The following PLXNA2 variants were observed in gnomAD, a reference collection of about 807,000 sequenced individuals.
PLXNA2 encodes the protein plexin-A2.
Under a neutral mutation model 193.5 loss-of-function variants are expected in PLXNA2, and 91 were observed. The ratio of observed to expected loss-of-function variants is 0.47; its 90% CI spans 0.40 to 0.56. The LOEUF (loss-of-function observed/expected upper bound fraction) is 0.56, where lower values mean the gene tolerates loss of function less well. PLXNA2 is among the 20% of genes least tolerant of loss of function. The pLI, the probability that PLXNA2 is intolerant of heterozygous loss-of-function variation, is 0.00. For synonymous variants in PLXNA2, 997 were observed against 1,027.3 expected (o/e 0.97, Z 0.56); for missense variants, 1,995 against 2,503.2 (o/e 0.80, Z 4.33).
chr1:208,138,347 G>A (rs1246283206), intron 4 of PLXNA2, among the ~76,000 whole-genome samples: 2 of 152,222 alleles, frequency 1.3e-5, no homozygotes, highest in Admixed American at 6.5e-5. Context: ...GAAGATAAGT[G>A]TTCTGAGCAT....
chr1:208,027,458 C>T, intron 31 of PLXNA2, 120 bp from the exon 32 acceptor site: 1 of 674,788 alleles, frequency 1.5e-6, no homozygotes, highest in Non-Finnish European at 2.6e-6. Flanking sequence ...TGCACATAAC[C>T]TTAAATAATT....
chr1:208,065,551 T>C lies in PLXNA2; in HGVS notation c.2587-4714A>G, dbSNP rs116551101. On this transcript the variant is annotated intron_variant, in intron 12 of 31. Coordinates refer to ENST00000367033, the MANE Select transcript of PLXNA2 (RefSeq NM_025179.4). ...TTCCCTGTGTTTCCCTGCACCTCTG[T>C]CTTCCTAGATGACTAAAACATGGGA... 2.6e-3 allele frequency among the ~76,000 whole-genome samples: 392 copies of C among 152,326 alleles called. 2 individuals are homozygous for C. Among genetic ancestry groups the C allele is most frequent in the African/African-American group, 8.8e-3 (367 of 41,572 alleles).
intron 17 of PLXNA2, among the ~76,000 whole-genome samples, chr1:208,048,576 G>A (rs1026263710): frequency 1.3e-5 from 2 of 152,188 alleles, no homozygotes; most frequent in African/African-American, 2.4e-5. Context: ...CATGGGGCTG[G>A]AGGAAGCGCT....
intron 12 of PLXNA2, among the ~76,000 whole-genome samples, chr1:208,073,581 C>T (rs184537549): frequency 4.9e-4 from 74 of 152,276 alleles, no homozygotes; most frequent in African/African-American, 1.7e-3. Context: ...GGTGGCATCT[C>T]CCCCCTCTGA....
intron 3 of PLXNA2, among the ~76,000 whole-genome samples, chr1:208,148,191 C>A (rs1668655464): frequency 6.6e-6 from 1 of 152,182 alleles, no homozygotes; most frequent in South Asian, 2.1e-4. Flanking sequence ...GCTTCGATTT[C>A]TTCTCTAGTT....
chr1:208,032,977 C>T (rs900606636), intron 28 of PLXNA2, among the ~76,000 whole-genome samples: 1 of 151,564 alleles, frequency 6.6e-6, no homozygotes, highest in Non-Finnish European at 1.5e-5. Context: ...TAGAGAACAG[C>T]GGTGGCCTGA....
intron 3 of PLXNA2, among the ~76,000 whole-genome samples, chr1:208,168,051 A>T (rs1202753319): frequency 1.3e-5 from 2 of 152,226 alleles, no homozygotes; most frequent in African/African-American, 2.4e-5. Flanking sequence ...TGTGGTTCAA[A>T]TCCTGGTTTT....
intron 1 of PLXNA2, among the ~76,000 whole-genome samples, chr1:208,228,079 A>T (rs1271460191): frequency 6.6e-6 from 1 of 152,190 alleles, no homozygotes; most frequent in Non-Finnish European, 1.5e-5. Flanking sequence ...CTAAAATCCC[A>T]CTTACTCTCC....
At chr1:208,063,562 G>T (rs977150300) in intron 12 of PLXNA2, among the ~76,000 whole-genome samples, 1 of 152,226 alleles carries the variant, frequency 6.6e-6, no homozygotes, top group Non-Finnish European at 1.5e-5. Flanking sequence ...GAGAATGAGT[G>T]TCCTTGTGGG....
intron 1 of PLXNA2, among the ~76,000 whole-genome samples, chr1:208,238,112 C>CT (rs1671926956): frequency 6.6e-6 from 1 of 152,134 alleles, no homozygotes; most frequent in Admixed American, 6.5e-5. Context: ...TCCAAGAGGG[C>CT]TGGGAGGTGC....
At chr1:208,085,048 T>C (rs918368254) in intron 9 of PLXNA2, among the ~76,000 whole-genome samples, 7 of 150,556 alleles carry the variant, frequency 4.6e-5, no homozygotes, top group African/African-American at 1.7e-4. Context: ...AGAAGGTGGA[T>C]CAAGCCCTCC....
At chr1:208,045,021 C>A (rs1175062675) in intron 19 of PLXNA2, 46 bp downstream of exon 19, 1 of 1,610,450 alleles carries the variant, frequency 6.2e-7, no homozygotes, top group Non-Finnish European at 8.5e-7. Context: ...ATCACACATG[C>A]ACCACGAGGC....
intron 3 of PLXNA2, chr1:208,209,878 C>T (rs569089453): frequency 4.2e-6 from 1 of 236,094 alleles, no homozygotes; most frequent in South Asian, 5.3e-5. Context: ...CAACAAAGAC[C>T]AGTATAATCA....
At chr1:208,043,479 T>A (rs1664947654) in intron 20 of PLXNA2, among the ~76,000 whole-genome samples, 1 of 152,232 alleles carries the variant, frequency 6.6e-6, no homozygotes, top group Admixed American at 6.5e-5. Context: ...AAAAAAAGTA[T>A]CATGATTGGG....
Position 208,044,444 on chromosome 1 carries a change from G to T in PLXNA2, c.3874+64C>A. On this transcript the variant is annotated intron_variant, in intron 20 of 31. Coordinates refer to ENST00000367033, the MANE Select transcript of PLXNA2 (RefSeq NM_025179.4). The surrounding 1 kb of genome is among the most constrained non-coding windows in gnomAD (Gnocchi z 4.9). ...AGTAAAGATAGGAGTTGTCTGCAGG[G>T]AGAAGGGCAATAAGGCAGGTGGAGA... 8.8e-7 allele frequency: 1 copy of T among 1,138,912 alleles called. No individual in the cohort carries two copies. Among genetic ancestry groups the T allele is most frequent in the Non-Finnish European group, 1.3e-6 (1 of 754,686 alleles). The allele number at this position is 1,138,912 out of a possible 1,614,324, so 70.6% of individuals were successfully genotyped here.
At chr1:208,027,736 G>A (rs557450622) in intron 31 of PLXNA2, among the ~76,000 whole-genome samples, 2 of 152,364 alleles carry the variant, frequency 1.3e-5, no homozygotes, top group Admixed American at 6.5e-5. Flanking sequence ...GATTCATTAA[G>A]AGAGAATGAA....
rs528944326 is a variant in PLXNA2 at position 208,075,783 on chromosome 1, G to C, written c.2586+3477C>G. On this transcript the variant is annotated intron_variant, in intron 12 of 31. Coordinates refer to ENST00000367033, the MANE Select transcript of PLXNA2 (RefSeq NM_025179.4). ...TATTTAGAGATAGGGTCTTGGCCAG[G>C]CATGGTGACTCAAGCCTGTAATCCC... Among the ~76,000 whole-genome samples, 11 of 152,210 alleles carry C rather than the reference G, an allele frequency of 7.2e-5. No homozygotes were observed. In the South Asian group the frequency reaches 2.3e-3, roughly 32 times the overall value.
chr1:208,100,459 T>G (rs1667059391), intron 5 of PLXNA2, among the ~76,000 whole-genome samples: 1 of 152,140 alleles, frequency 6.6e-6, no homozygotes, highest in Non-Finnish European at 1.5e-5. Context: ...GCATAGTAGG[T>G]GCCATGACAG....
Position 208,044,446 on chromosome 1 carries a change from G to T in PLXNA2, c.3874+62C>A. 1.7e-6 allele frequency: 2 copies of T among 1,157,144 alleles called. No individual in the cohort carries two copies. The highest frequency in any genetic ancestry group is 1.3e-6 in the Non-Finnish European group (1 of 770,274). 71.7% of individuals were successfully genotyped at this position (1,157,144 alleles called of 1,614,324 possible). Reference sequence around the variant, plus strand: ...TAAAGATAGGAGTTGTCTGCAGGGAGAAGGGCAATAAGGCAGGTGGAGAAA... The same window carrying T: ...TAAAGATAGGAGTTGTCTGCAGGGATAAGGGCAATAAGGCAGGTGGAGAAA... On this transcript the variant is annotated intron_variant, in intron 20 of 31. Coordinates refer to ENST00000367033, the MANE Select transcript of PLXNA2 (RefSeq NM_025179.4). This position sits in a 1 kb window ranked among gnomAD's most constrained non-coding sequence, Gnocchi z 4.9.
Sources: gnomAD v4.1 joint callset for allele counts (sites outside exome capture counted in the v4.1 genomes callset) on GRCh38, gnomAD v4.1.1 for gene constraint, Gnocchi (gnomAD v3.1) non-coding constraint, MANE v1.5 for transcripts, NCBI Gene and HGNC (gene_info 2026-07-23, HGNC 2026-07-21) for gene names.